Variants in KCNQ1OT1 observed in about 807,000 individuals in gnomAD.
KCNQ1OT1 encodes the protein KCNQ1 antisense RNA 2 (non-protein coding).
chr11:2,614,346 G>A (rs1362233126), exon 1 of KCNQ1OT1: 1 of 398,248 alleles, frequency 2.5e-6, no homozygotes, highest in East Asian at 3.6e-5. Context: ...AGTCTTCTGT[G>A]CACCCTTTAA....
exon 1 of KCNQ1OT1, chr11:2,675,810 A>G (rs1850283332): frequency 5.0e-6 from 2 of 398,604 alleles, no homozygotes; most frequent in Admixed American, 8.8e-5. Flanking sequence ...AGCCACGTGC[A>G]TGCAGGGCTG....
chr11:2,641,427 T>A, exon 1 of KCNQ1OT1: 1 of 398,410 alleles, frequency 2.5e-6, no homozygotes, highest in Non-Finnish European at 4.4e-6. Flanking sequence ...TGGCTACTTG[T>A]ATGTTTTCTT....
chr11:2,616,177 A>C (rs1193472490), exon 1 of KCNQ1OT1: 1 of 397,242 alleles, frequency 2.5e-6, no homozygotes, highest in Non-Finnish European at 4.4e-6. Context: ...TTATTTCTGT[A>C]AGATCAGTTA....
In KCNQ1OT1 at chr11:2,683,044, T is replaced by C. The variant is rs1850424815; in HGVS notation, n.16951A>G. ...CCTGAGAGAGGTGACCTTCTCCCAC[T>C]TCTTACAGGCAAGGCTCTTGCTAGC... On this transcript the variant is annotated non_coding_transcript_exon_variant, in exon 1 of 1. Transcript: ENST00000597346. The surrounding 1 kb of genome is among the most constrained non-coding windows in gnomAD (Gnocchi z 4.7). The C allele has an allele frequency of 2.5e-6, 1 of 398,594 alleles. No individual in the cohort carries two copies. The highest frequency in any genetic ancestry group is 4.4e-6 in the Non-Finnish European group (1 of 226,130). 24.7% of individuals were successfully genotyped at this position (398,594 alleles called of 1,614,324 possible).
At chr11:2,648,262 C>A (rs926979539) in exon 1 of KCNQ1OT1, 4 of 398,442 alleles carry the variant, frequency 1.0e-5, no homozygotes, top group Non-Finnish European at 1.3e-5. Flanking sequence ...CCTTTTATCT[C>A]TATTTCATTT....
At chr11:2,686,155 C>T (rs939701774) in exon 1 of KCNQ1OT1, 2 of 398,764 alleles carry the variant, frequency 5.0e-6, no homozygotes, top group East Asian at 3.6e-5. Flanking sequence ...GGGTTTGCTT[C>T]GCCTTTCTGA....
exon 1 of KCNQ1OT1, chr11:2,629,146 G>T: frequency 2.5e-6 from 1 of 398,130 alleles, no homozygotes; most frequent in Non-Finnish European, 4.4e-6. Flanking sequence ...CTGGAAATTT[G>T]ATAGGCATTG....
At chr11:2,692,141 C>A (rs959852726) in exon 1 of KCNQ1OT1, 10 of 398,608 alleles carry the variant, frequency 2.5e-5, no homozygotes, top group Non-Finnish European at 4.0e-5. Context: ...CTGAAGGCCC[C>A]TGTCCTTTCA....
At chr11:2,643,807 CTT>C (rs1372882974) in exon 1 of KCNQ1OT1, 1 of 398,504 alleles carries the variant, frequency 2.5e-6, no homozygotes, top group Non-Finnish European at 4.4e-6. Flanking sequence ...TGAGCTTTTA[CTT>C]TTAAGGGAAA....
At position 2,659,536 on chromosome 11, in the gene KCNQ1OT1, T is replaced by C; in HGVS notation, n.40459A>G. ...AGGACATCTTCATTGTTTCCAGTAT[T>C]TGGTAATTATGAGCAGAGTTACTAT... On this transcript the variant is annotated non_coding_transcript_exon_variant, in exon 1 of 1. Transcript: ENST00000597346. This position sits in a 1 kb window ranked among gnomAD's most constrained non-coding sequence, Gnocchi z 4.3. 2.5e-6 allele frequency: 1 copy of C among 398,582 alleles called. No individual in the cohort carries two copies. The highest frequency in any genetic ancestry group is 4.4e-6 in the Non-Finnish European group (1 of 226,026). 24.7% of individuals were successfully genotyped at this position (398,582 alleles called of 1,614,324 possible). A position where few individuals can be genotyped will look rare whatever the true frequency, so the allele number is the denominator to read the frequency against.
exon 1 of KCNQ1OT1, chr11:2,644,413 C>T (rs1298156473): frequency 2.5e-6 from 1 of 398,204 alleles, no homozygotes; most frequent in Non-Finnish European, 4.4e-6. Context: ...TATTCAATTC[C>T]AGAATATCTG....
exon 1 of KCNQ1OT1, chr11:2,685,647 C>T (rs75560722): frequency 0.058 from 23,209 of 398,590 alleles, 809 homozygotes; most frequent in Middle Eastern, 0.098. Context: ...AGGGGACAAG[C>T]CCACACAGGT....
exon 1 of KCNQ1OT1, chr11:2,660,659 A>C (rs1330845844): frequency 7.5e-6 from 3 of 398,632 alleles, no homozygotes; most frequent in African/African-American, 2.1e-5. Context: ...GCAATGCCTC[A>C]GTTTTCATCC....
rs2133850601 is a variant in KCNQ1OT1 at position 2,657,534 on chromosome 11, C to G, written n.42461G>C. 5.0e-6 allele frequency: 2 copies of G among 398,548 alleles called. No homozygotes were observed. Among genetic ancestry groups the G allele is most frequent in the South Asian group, 1.3e-4 (1 of 7,848 alleles). 24.7% of individuals were successfully genotyped at this position (398,548 alleles called of 1,614,324 possible). On this transcript the variant is annotated non_coding_transcript_exon_variant, in exon 1 of 1. Transcript: ENST00000597346. This position sits in a 1 kb window ranked among gnomAD's most constrained non-coding sequence, Gnocchi z 4.8. Reference sequence around the variant, plus strand: ...AGAAACAAAAATAGTACCGAGTACCCACATCCCTTTCACCAGCTTCCCCTA... The same window carrying G: ...AGAAACAAAAATAGTACCGAGTACCGACATCCCTTTCACCAGCTTCCCCTA...
In KCNQ1OT1 at chr11:2,657,838, CA is replaced by C. The variant is rs1211321423; in HGVS notation, n.42156del. ...AGTTTGGATTTGTCTGGTGTTTTCT[CA>C]GGACTAGACCAGGGTTATAGGTTTA... On this transcript the variant is annotated non_coding_transcript_exon_variant, in exon 1 of 1. Transcript: ENST00000597346. The surrounding 1 kb of genome is among the most constrained non-coding windows in gnomAD (Gnocchi z 4.8). The C allele has an allele frequency of 1.3e-5, 5 of 398,444 alleles. No homozygotes were observed. Among genetic ancestry groups the C allele is most frequent in the African/African-American group, 1.0e-4 (5 of 48,614 alleles). The allele number at this position is 398,444 out of a possible 1,614,324, so 24.7% of individuals were successfully genotyped here. A position where few individuals can be genotyped will look rare whatever the true frequency, so the allele number is the denominator to read the frequency against.
chr11:2,673,056 G>A lies in KCNQ1OT1; in HGVS notation n.26939C>T, dbSNP rs1003467549. 5.0e-6 allele frequency: 2 copies of A among 398,724 alleles called. No individual in the cohort carries two copies. Among genetic ancestry groups the A allele is most frequent in the Non-Finnish European group, 8.8e-6 (2 of 226,222 alleles). The allele number at this position is 398,724 out of a possible 1,614,324, so 24.7% of individuals were successfully genotyped here. A position where few individuals can be genotyped will look rare whatever the true frequency, so the allele number is the denominator to read the frequency against. On this transcript the variant is annotated non_coding_transcript_exon_variant, in exon 1 of 1. Transcript: ENST00000597346. This position sits in a 1 kb window ranked among gnomAD's most constrained non-coding sequence, Gnocchi z 4.5. ...GGTCTAGGGCTGGCCAAAAGGGACA[G>A]TGAAGTTGGCTTCTCAGGCCACAGT...
exon 1 of KCNQ1OT1, chr11:2,616,643 A>G: frequency 2.5e-6 from 1 of 398,180 alleles, no homozygotes; most frequent in Non-Finnish European, 4.4e-6. Context: ...CTTCTTTGAC[A>G]CAATAATTTT....
chr11:2,660,383 C>T, exon 1 of KCNQ1OT1: 1 of 398,428 alleles, frequency 2.5e-6, no homozygotes, highest in East Asian at 3.6e-5. Flanking sequence ...TGTGGGAAAA[C>T]CTTCCTTTTT....
chr11:2,615,682 A>G (rs1360915249), exon 1 of KCNQ1OT1: 1 of 398,104 alleles, frequency 2.5e-6, no homozygotes, highest in Non-Finnish European at 4.4e-6. Context: ...GGTGTATTAC[A>G]TTGATTGATA....
Sources: gnomAD v4.1 joint callset for allele counts on GRCh38, gnomAD v4.1.1 for gene constraint, Gnocchi (gnomAD v3.1) non-coding constraint, MANE v1.5 for transcripts, NCBI Gene and HGNC (gene_info 2026-07-23, HGNC 2026-07-21) for gene names.